SHISA8: variants seen among roughly 807,000 people sequenced by gnomAD.
The protein encoded by SHISA8 is protein shisa-8.
Under a neutral mutation model 21.1 loss-of-function variants are expected in SHISA8, and 21 were observed. The observed-to-expected ratio is 0.99, with a 90% CI of 0.71 to 1.43. The LOEUF (loss-of-function observed/expected upper bound fraction) is 1.43. SHISA8 is among the 40% of genes most tolerant of loss of function. The pLI is 0.00. For synonymous variants in SHISA8, 300 were observed against 291.4 expected (o/e 1.03, Z -0.30); for missense variants, 535 against 599.1 (o/e 0.89, Z 1.12).
intron 1 of SHISA8, among the ~76,000 whole-genome samples, chr22:41,913,745 A>G (rs909613685): frequency 6.6e-6 from 1 of 152,106 alleles, no homozygotes; most frequent in Non-Finnish European, 1.5e-5. Flanking sequence ...GGGCACCCAG[A>G]GAACCAAGCG....
chr22:41,911,655 C>T (rs2146575798), intron 1 of SHISA8, among the ~76,000 whole-genome samples: 1 of 152,272 alleles, frequency 6.6e-6, no homozygotes, highest in South Asian at 2.1e-4. Flanking sequence ...CCTCCCAATG[C>T]GAGCTTTCTC....
rs751068174 is a variant in SHISA8 at position 41,910,546 on chromosome 22, G to A, written c.673C>T (p.Arg225Cys). ...GSPHNSADKK[R>C]LNNAPRGSAA... is the part of the protein sequence containing the mutation. ...GACCCCCGGGGCGCGTTGTTGAGGC[G>A]CTTCTTGTCTGGAGCGAGGAGTGAG... The change falls in exon 3 of 4, where the codon CGC (arginine) becomes TGC (cysteine). Residue 225 changes from arginine to cysteine, a missense_variant. Physicochemically the swap from Arg to Cys is radical, Grantham distance 180. Transcript: ENST00000621082. This position sits in a 1 kb window ranked among gnomAD's most constrained non-coding sequence, Gnocchi z 6.8. 327 of 1,236,564 alleles carry A rather than the reference G, an allele frequency of 2.6e-4. No individual in the cohort carries two copies. Among genetic ancestry groups the A allele is most frequent in the Non-Finnish European group, 3.1e-4 (308 of 992,020 alleles). The allele number at this position is 1,236,564 out of a possible 1,614,324, so 76.6% of individuals were successfully genotyped here.
intron 1 of SHISA8, among the ~76,000 whole-genome samples, chr22:41,913,770 G>A (rs964993908): frequency 2.0e-5 from 3 of 152,098 alleles, no homozygotes; most frequent in Non-Finnish European, 2.9e-5. Flanking sequence ...TTCCTTTCCC[G>A]TGCCCAAGAC....
chr22:41,910,103 G>A lies in SHISA8; in HGVS notation c.856C>T (p.Pro286Ser). 2.4e-6 allele frequency: 3 copies of A among 1,239,518 alleles called. No individual in the cohort carries two copies. Among genetic ancestry groups the A allele is most frequent in the Non-Finnish European group, 3.0e-6 (3 of 994,960 alleles). 76.8% of individuals were successfully genotyped at this position (1,239,518 alleles called of 1,614,324 possible). The change falls in exon 4 of 4, where the codon CCG becomes TCG. Residue 286 changes from proline (P) to serine (S), a missense_variant. Physicochemically the swap from Pro to Ser is moderately conservative, Grantham distance 74. Transcript: ENST00000621082. This position sits in a 1 kb window ranked among gnomAD's most constrained non-coding sequence, Gnocchi z 6.8. ...CGCGCCGGGGGTTGCCGCGGGGACG[G>A]CTCGAGGGCGGGGAAACGCTGACAG... ...DFCQRFPALE[P>S]SPRQPPARAP...
Position 41,909,876 on chromosome 22 carries a change from G to A in SHISA8, c.1083C>T (p.Phe361=). The part of the protein sequence containing the change: ...RRPGHAARRQ[F]SVKMPETFNP... ...TGAAGGTCTCAGGCATCTTCACACT[G>A]AACTGGCGCCGGGCCGCGTGCCCGG... The change falls in exon 4 of 4, where the codon TTC becomes TTT. Residue 361 remains phenylalanine (F), a synonymous_variant. Transcript: ENST00000621082. 2 of 1,530,132 alleles carry A rather than the reference G, an allele frequency of 1.3e-6. No individual in the cohort carries two copies. The highest frequency in any genetic ancestry group is 1.7e-6 in the Non-Finnish European group (2 of 1,144,394). 94.8% of individuals were successfully genotyped at this position (1,530,132 alleles called of 1,614,324 possible).
rs1390171902 is a variant in SHISA8 at position 41,909,789 on chromosome 22, A to C, written c.1170T>G (p.Asn390Lys). The C allele has an allele frequency of 1.3e-6, 2 of 1,495,434 alleles. No homozygotes were observed. Among genetic ancestry groups the C allele is most frequent in the Non-Finnish European group, 1.8e-6 (2 of 1,127,304 alleles). The allele number at this position is 1,495,434 out of a possible 1,614,324, so 92.6% of individuals were successfully genotyped here. Residue 390 changes from asparagine to lysine, a missense_variant, in exon 4 of 4, where the codon AAT becomes AAG. By Grantham distance (94) the Asn-to-Lys change is moderately conservative. Coordinates refer to ENST00000621082, the MANE Select transcript of SHISA8 (RefSeq NM_001207020.3). Reference sequence around the variant, plus strand: ...TTCACACGGTGACCTCGGTCTTGCTATTGGTCCTTAGGTACCGGGACCCGC... The same window carrying C: ...TTCACACGGTGACCTCGGTCTTGCTCTTGGTCCTTAGGTACCGGGACCCGC... ...AGRGSRYLRT[N>K]SKTEVTV is the part of the protein sequence containing the mutation.
Position 41,913,995 on chromosome 22 carries a change from G to A in SHISA8, c.530+143C>T, listed in dbSNP as rs1475538372. 6 of 853,032 alleles carry A rather than the reference G, an allele frequency of 7.0e-6. No individual in the cohort carries two copies. The African/African-American group carries it at 9.0e-5, about 13-fold the overall frequency. 52.8% of individuals were successfully genotyped at this position (853,032 alleles called of 1,614,324 possible). ...TGTCTCCCTGATGAAGTGTTGGGGG[G>A]GCGGCGGGGGGAGAAGGAGACAGGA... On this transcript the variant is annotated intron_variant, in intron 1 of 3. Coordinates refer to ENST00000621082, the MANE Select transcript of SHISA8 (RefSeq NM_001207020.3).
chr22:41,912,286 C>T (rs2077557860), intron 1 of SHISA8, among the ~76,000 whole-genome samples: 1 of 152,234 alleles, frequency 6.6e-6, no homozygotes. Context: ...GAACCCGGAA[C>T]CCATGATTTT....
chr22:41,913,879 C>A (rs2077566879), intron 1 of SHISA8, among the ~76,000 whole-genome samples: 1 of 152,112 alleles, frequency 6.6e-6, no homozygotes, highest in South Asian at 2.1e-4. Context: ...CCGCCCCCAC[C>A]CCCCTGCCCT....
At position 41,909,983 on chromosome 22, in the gene SHISA8, C is replaced by T; in HGVS notation, c.976G>A (p.Ala326Thr). The T allele has an allele frequency of 7.5e-7, 1 of 1,341,146 alleles. No homozygotes were observed. Among genetic ancestry groups the T allele is most frequent in the Non-Finnish European group, 9.5e-7 (1 of 1,054,938 alleles). The allele number at this position is 1,341,146 out of a possible 1,614,324, so 83.1% of individuals were successfully genotyped here. ...GCCGGGCGACTGGAGGTCCAGGCGG[C>T]ATAGGGGCCCGGCGCGGCAGGGGGC... ...YAPPAAPGPYAAWTSSRPARP... is the reference protein window; with the variant it reads ...YAPPAAPGPYTAWTSSRPARP... Residue 326 changes from alanine (A) to threonine (T), a missense_variant, in exon 4 of 4, where the codon GCC becomes ACC. Physicochemically the swap from Ala to Thr is moderately conservative, Grantham distance 58 (BLOSUM62 0). Transcript: ENST00000621082.
chr22:41,914,784 CCGTCGGCCTCCTCTGGGGACCCCAG>C lies in SHISA8; in HGVS notation c.-142_-118del. The C allele has an allele frequency of 2.5e-6, 2 of 796,754 alleles. No homozygotes were observed. The highest frequency in any genetic ancestry group is 3.0e-6 in the Non-Finnish European group (2 of 656,864). The allele number at this position is 796,754 out of a possible 1,614,324, so 49.4% of individuals were successfully genotyped here. ...TGGCTCCCGGCGCACGCCGCCTCGG[CCGTCGGCCTCCTCTGGGGACCCCAG>C]CCCCGAGTGGGCTGGGTCTGGAGCT... On this transcript the variant is annotated 5_prime_UTR_variant, in exon 1 of 4. Coordinates refer to ENST00000621082, the MANE Select transcript of SHISA8 (RefSeq NM_001207020.3). The surrounding 1 kb of genome is among the most constrained non-coding windows in gnomAD (Gnocchi z 6.8).
chr22:41,914,991 T>TGGCCCTA lies in SHISA8; in HGVS notation c.-331_-325dup. 6.6e-6 allele frequency among the ~76,000 whole-genome samples: 1 copy of TGGCCCTA among 151,732 alleles called. No individual in the cohort carries two copies. The highest frequency in any genetic ancestry group is 2.4e-5 in the African/African-American group (1 of 41,458). On this transcript the variant is annotated 5_prime_UTR_variant, in exon 1 of 4. Coordinates refer to ENST00000621082, the MANE Select transcript of SHISA8 (RefSeq NM_001207020.3). The surrounding 1 kb of genome is among the most constrained non-coding windows in gnomAD (Gnocchi z 6.8). The stretch of plus-strand genomic sequence containing the variant: ...CCCGGCCCGGCAGGTGTGCGGGTCT[T>TGGCCCTA]GGCCCTAGCGGAGGCCGCGCCGGGG...
At position 41,911,326 on chromosome 22, in the gene SHISA8, T is replaced by C. The variant is rs1259054190; in HGVS notation, c.554A>G (p.Gln185Arg). 5 of 1,245,872 alleles carry C rather than the reference T, an allele frequency of 4.0e-6. No individual in the cohort carries two copies. The highest frequency in any genetic ancestry group is 5.0e-6 in the Non-Finnish European group (5 of 994,104). 77.2% of individuals were successfully genotyped at this position (1,245,872 alleles called of 1,614,324 possible). A position where few individuals can be genotyped will look rare whatever the true frequency, so the allele number is the denominator to read the frequency against. ...VTRALTELLK[Q>R]PGPQEPLPPT... is the part of the protein sequence containing the mutation. ...AGGCAGTGGCTCCTGGGGGCCCGGC[T>C]GCTTCAGAAGCTCTGTCAGCGCCCT... The change falls in exon 2 of 4, where the codon CAG (glutamine) becomes CGG (arginine). Residue 185 changes from glutamine (Q) to arginine (R), a missense_variant. Gln to Arg is a conservative substitution (Grantham distance 43). Coordinates refer to ENST00000621082, the MANE Select transcript of SHISA8 (RefSeq NM_001207020.3).
chr22:41,909,782 T>C lies in SHISA8; in HGVS notation c.1177A>G (p.Thr393Ala). The change falls in exon 4 of 4, where the codon ACC (threonine) becomes GCC (alanine). Residue 393 changes from threonine to alanine, a missense_variant. Thr to Ala is a moderately conservative substitution (Grantham distance 58). Coordinates refer to ENST00000621082, the MANE Select transcript of SHISA8 (RefSeq NM_001207020.3). ...GCCCCGCTTCACACGGTGACCTCGG[T>C]CTTGCTATTGGTCCTTAGGTACCGG... The part of the protein sequence containing the change: ...GSRYLRTNSK[T>A]EVTV 2 of 1,484,620 alleles carry C rather than the reference T, an allele frequency of 1.3e-6. No homozygotes were observed. The highest frequency in any genetic ancestry group is 1.4e-5 in the African/African-American group (1 of 69,630). The allele number at this position is 1,484,620 out of a possible 1,614,324, so 92.0% of individuals were successfully genotyped here. A position where few individuals can be genotyped will look rare whatever the true frequency, so the allele number is the denominator to read the frequency against.
At chr22:41,911,056 C>T (rs2077549812) in intron 2 of SHISA8, among the ~76,000 whole-genome samples, 160 bp downstream of exon 2, 1 of 152,174 alleles carries the variant, frequency 6.6e-6, no homozygotes, top group Non-Finnish European at 1.5e-5. Flanking sequence ...TCCCTTTCCA[C>T]CCTGGCGAGC....
intron 1 of SHISA8, among the ~76,000 whole-genome samples, chr22:41,913,451 G>C (rs1482859150): frequency 6.6e-6 from 1 of 152,206 alleles, no homozygotes; most frequent in Non-Finnish European, 1.5e-5. Context: ...TAGAGTCCTC[G>C]TTCCAACCGA....
At position 41,910,366 on chromosome 22, in the gene SHISA8, G is replaced by T. The variant is rs2077541052; in HGVS notation, c.811+42C>A. On this transcript the variant is annotated intron_variant, in intron 3 of 3. Transcript: ENST00000621082. The surrounding 1 kb of genome is among the most constrained non-coding windows in gnomAD (Gnocchi z 6.8). The stretch of plus-strand genomic sequence containing the variant: ...CCCGCGCTTCGCAGTCCGGGAGCTC[G>T]TGCGCCCAGGTGCCCTGACGCTGCC... 3.2e-6 allele frequency: 3 copies of T among 941,482 alleles called. No homozygotes were observed. Among genetic ancestry groups the T allele is most frequent in the South Asian group, 9.4e-5 (2 of 21,340 alleles). The allele number at this position is 941,482 out of a possible 1,614,324, so 58.3% of individuals were successfully genotyped here.
chr22:41,910,678 G>T lies in SHISA8; in HGVS notation c.665-124C>A. On this transcript the variant is annotated intron_variant, in intron 2 of 3. Transcript: ENST00000621082. The surrounding 1 kb of genome is among the most constrained non-coding windows in gnomAD (Gnocchi z 6.8). ...GAACCTGGGGGACCGTTCTCCGGGC[G>T]AGGCTGCGAGCCAAGCCTGTCTTCG... 1.8e-6 allele frequency: 2 copies of T among 1,118,870 alleles called. No homozygotes were observed. The highest frequency in any genetic ancestry group is 2.2e-6 in the Non-Finnish European group (2 of 892,812). 69.3% of individuals were successfully genotyped at this position (1,118,870 alleles called of 1,614,324 possible).
chr22:41,914,332 CG>C lies in SHISA8; in HGVS notation c.335del (p.Pro112ArgfsTer64). On this transcript the variant is annotated frameshift_variant, in exon 1 of 4. Coordinates refer to ENST00000621082, the MANE Select transcript of SHISA8 (RefSeq NM_001207020.3). LOFTEE classifies it high-confidence loss of function. The surrounding 1 kb of genome is among the most constrained non-coding windows in gnomAD (Gnocchi z 6.8). ...DQSRCSNYDT[P>X]AWVQTGRPPA... ...GCGGCCGGCCTGTCTGGACCCAGGC[CG>C]GCGTGTCGTAGTTGGAACAGCGGCT... 8.0e-7 allele frequency: 1 copy of C among 1,254,340 alleles called. No individual in the cohort carries two copies. The allele number at this position is 1,254,340 out of a possible 1,614,324, so 77.7% of individuals were successfully genotyped here. A position where few individuals can be genotyped will look rare whatever the true frequency, so the allele number is the denominator to read the frequency against.
Sources: gnomAD v4.1 joint callset for allele counts (sites outside exome capture counted in the v4.1 genomes callset) on GRCh38, gnomAD v4.1.1 for gene constraint, Gnocchi (gnomAD v3.1) non-coding constraint, MANE v1.5 for transcripts, NCBI Gene and HGNC (gene_info 2026-07-23, HGNC 2026-07-21) for gene names.